The following BTRC variants were observed in gnomAD, a reference collection of about 807,000 sequenced individuals.
The protein encoded by BTRC is beta-transducin repeat containing E3 ubiquitin protein ligase.
A neutral mutation model predicts 85.5 loss-of-function variants in BTRC; 42 were observed. The observed-to-expected ratio is 0.49, with a 90% CI of 0.38 to 0.64. The LOEUF (loss-of-function observed/expected upper bound fraction) is 0.64, where lower values mean the gene tolerates loss of function less well. Ranked by LOEUF, BTRC falls within the 30% of genes least tolerant of loss-of-function variation. BTRC has a pLI of 0.00. For synonymous variants in BTRC, 255 were observed against 263.3 expected (o/e 0.97, Z 0.30); for missense variants, 594 against 743.5 (o/e 0.80, Z 2.34).
intron 1 of BTRC, among the ~76,000 whole-genome samples, chr10:101,363,679 C>T (rs1009941615): frequency 6.6e-6 from 1 of 151,830 alleles, no homozygotes; most frequent in Non-Finnish European, 1.5e-5. Flanking sequence ...CTGTGCCTGG[C>T]CGGGAAGTTC....
chr10:101,461,314 A>G (rs1322594442), intron 2 of BTRC, among the ~76,000 whole-genome samples: 1 of 152,100 alleles, frequency 6.6e-6, no homozygotes, highest in Non-Finnish European at 1.5e-5. Context: ...GTAGATAGTG[A>G]TTTACATATA....
rs1946116522 is a variant in BTRC at position 101,491,044 on chromosome 10, G to A, written c.324+11587G>A. Among the ~76,000 whole-genome samples, 5 of 126,998 alleles carry A rather than the reference G, an allele frequency of 3.9e-5. No individual in the cohort carries two copies. In the Admixed American group the frequency reaches 4.3e-4, roughly 11 times the overall value. 83.3% of individuals were successfully genotyped at this position (126,998 alleles called of 152,430 possible). Reference sequence around the variant, plus strand: ...ACTGTACTCCAGCCTGGGTGAAGGAGCAAGACTCTGTCTCAAAAAAAAAAA... The same window carrying A: ...ACTGTACTCCAGCCTGGGTGAAGGAACAAGACTCTGTCTCAAAAAAAAAAA... On this transcript the variant is annotated intron_variant, in intron 4 of 14. Coordinates refer to ENST00000370187, the MANE Select transcript of BTRC (RefSeq NM_033637.4).
chr10:101,355,006 G>T (rs2134452200), intron 1 of BTRC, among the ~76,000 whole-genome samples: 1 of 152,302 alleles, frequency 6.6e-6, no homozygotes, highest in East Asian at 1.9e-4. Context: ...GCTAAATACT[G>T]TAATAAGGAC....
At chr10:101,479,541 A>G in intron 4 of BTRC, 84 bp downstream of exon 4, 2 of 1,121,972 alleles carry the variant, frequency 1.8e-6, no homozygotes, top group Admixed American at 3.8e-5. Flanking sequence ...GTATTGCTTA[A>G]GGATTATTAC....
At chr10:101,505,541 A>T (rs1946513688) in intron 4 of BTRC, among the ~76,000 whole-genome samples, 2 of 151,540 alleles carry the variant, frequency 1.3e-5, no homozygotes, top group Non-Finnish European at 2.9e-5. Flanking sequence ...AATGGCGTGA[A>T]CCTAGGAGGT....
chr10:101,393,887 T>C (rs1943298404), intron 1 of BTRC, among the ~76,000 whole-genome samples: 1 of 152,186 alleles, frequency 6.6e-6, no homozygotes. Context: ...TCTCCAGATT[T>C]CATATATTGT....
chr10:101,526,225 T>G (rs1301908933), intron 6 of BTRC, 26 bp downstream of exon 6: 7 of 1,600,650 alleles, frequency 4.4e-6, no homozygotes, highest in Non-Finnish European at 5.1e-6. Flanking sequence ...TTCTTACTCT[T>G]ATACGGCTTC....
chr10:101,410,485 C>T (rs1378631446), intron 1 of BTRC, among the ~76,000 whole-genome samples: 3 of 151,952 alleles, frequency 2.0e-5, no homozygotes, highest in Non-Finnish European at 4.4e-5. Context: ...CACGATGATG[C>T]GTGCCTGTAA....
chr10:101,457,193 T>C (rs1417646541), intron 2 of BTRC, among the ~76,000 whole-genome samples: 1 of 152,210 alleles, frequency 6.6e-6, no homozygotes, highest in Non-Finnish European at 1.5e-5. Context: ...TCACCCTTCT[T>C]ATGATGATGT....
intron 1 of BTRC, among the ~76,000 whole-genome samples, chr10:101,401,822 A>T (rs1336648409): frequency 6.7e-6 from 1 of 148,452 alleles, no homozygotes; most frequent in East Asian, 2.0e-4. Context: ...TGGGTGACAG[A>T]GCGAGACCTC....
chr10:101,389,288 A>G (rs1308254905), intron 1 of BTRC, among the ~76,000 whole-genome samples: 1 of 151,858 alleles, frequency 6.6e-6, no homozygotes, highest in African/African-American at 2.4e-5. Flanking sequence ...CTTCCAAAAT[A>G]CATCTCAAAT....
intron 2 of BTRC, among the ~76,000 whole-genome samples, chr10:101,439,046 G>A (rs1300087254): frequency 1.3e-5 from 2 of 152,160 alleles, no homozygotes; most frequent in Admixed American, 6.5e-5. Context: ...GTTTATGAAT[G>A]TAGTTAGATG....
intron 2 of BTRC, among the ~76,000 whole-genome samples, chr10:101,443,739 A>T (rs1944753211): frequency 6.6e-6 from 1 of 152,192 alleles, no homozygotes; most frequent in East Asian, 1.9e-4. Flanking sequence ...CACTAAAATG[A>T]CTATAATTTG....
chr10:101,428,352 TGA>T (rs1289173534), intron 1 of BTRC, among the ~76,000 whole-genome samples: 1 of 152,216 alleles, frequency 6.6e-6, no homozygotes, highest in Admixed American at 6.5e-5. Flanking sequence ...GAATTATTGA[TGA>T]GAGTGACATG....
At chr10:101,436,489 T>C (rs1944533062) in intron 2 of BTRC, among the ~76,000 whole-genome samples, 1 of 151,986 alleles carries the variant, frequency 6.6e-6, no homozygotes, top group Admixed American at 6.6e-5. Context: ...TACAAAAAAT[T>C]AGCTGGGTGT....
intron 2 of BTRC, among the ~76,000 whole-genome samples, chr10:101,459,776 C>CA (rs1446262003): frequency 6.6e-6 from 1 of 152,072 alleles, no homozygotes; most frequent in Non-Finnish European, 1.5e-5. Flanking sequence ...CAGTGGTTAT[C>CA]CATCTAAATC....
chr10:101,360,608 T>A (rs1942177939), intron 1 of BTRC, among the ~76,000 whole-genome samples: 1 of 152,024 alleles, frequency 6.6e-6, no homozygotes, highest in Non-Finnish European at 1.5e-5. Context: ...TGACCTCAGG[T>A]GATCCGACCG....
intron 1 of BTRC, among the ~76,000 whole-genome samples, chr10:101,390,689 T>C (rs1221033726): frequency 6.6e-6 from 1 of 151,840 alleles, no homozygotes; most frequent in African/African-American, 2.4e-5. Context: ...TAGAGCAAAT[T>C]TGAGAAAGTA....
intron 4 of BTRC, among the ~76,000 whole-genome samples, chr10:101,497,901 T>C (rs1311894243): frequency 6.6e-6 from 1 of 151,840 alleles, no homozygotes; most frequent in Non-Finnish European, 1.5e-5. Flanking sequence ...GTGCCTGTAG[T>C]CCAAGCTACT....
Sources: allele counts gnomAD v4.1 joint callset (sites outside exome capture counted in the v4.1 genomes callset), GRCh38; gene constraint gnomAD v4.1.1; transcripts MANE v1.5; gene names NCBI Gene and HGNC (gene_info 2026-07-23, HGNC 2026-07-21).